GLIS3: variants seen among roughly 807,000 people sequenced by gnomAD.
GLIS3 encodes zinc finger protein GLIS3.
In GLIS3, 53 loss-of-function variants were observed where a neutral mutation model predicts 78.6. The ratio of observed to expected loss-of-function variants is 0.67; its 90% CI spans 0.54 to 0.85. The LOEUF is 0.85. GLIS3 is among the 40% of genes least tolerant of loss of function. GLIS3 has a pLI of 0.00. For missense variants in GLIS3, 1,703 were observed against 1,231.1 expected, an observed-to-expected ratio of 1.38 and a Z score of -5.74; for synonymous variants, 684 against 509.9, an observed-to-expected ratio of 1.34 and a Z score of -4.60.
intron 4 of GLIS3, among the ~76,000 whole-genome samples, chr9:4,055,960 G>T (rs1403599439): frequency 2.0e-5 from 3 of 152,200 alleles, no homozygotes; most frequent in Non-Finnish European, 4.4e-5. Flanking sequence ...GGAGGCAAAG[G>T]AAACTCTCTT....
chr9:4,109,720 T>C (rs1303602635), intron 4 of GLIS3, among the ~76,000 whole-genome samples: 1 of 152,202 alleles, frequency 6.6e-6, no homozygotes, highest in African/African-American at 2.4e-5. Flanking sequence ...TATTTGGTAG[T>C]GTAAGTCCTT....
chr9:4,114,022 A>G (rs879695372), intron 4 of GLIS3, among the ~76,000 whole-genome samples: 41 of 61,390 alleles, frequency 6.7e-4, no homozygotes, highest in Middle Eastern at 0.015. Context: ...GCGGAGGCCC[A>G]CGTTCCCCCA....
chr9:3,995,139 T>C (rs1820643967), intron 4 of GLIS3, among the ~76,000 whole-genome samples: 1 of 151,586 alleles, frequency 6.6e-6, no homozygotes, highest in African/African-American at 2.4e-5. Flanking sequence ...AAACCTGACC[T>C]ACAGAGTGAG....
intron 4 of GLIS3, among the ~76,000 whole-genome samples, chr9:4,045,937 C>T (rs1300154168): frequency 6.6e-6 from 1 of 152,020 alleles, no homozygotes; most frequent in Non-Finnish European, 1.5e-5. Flanking sequence ...AGGTCGGTCA[C>T]CTTGGGAGAT....
At chr9:4,273,314 A>C (rs1457674963) in intron 2 of GLIS3, among the ~76,000 whole-genome samples, 1 of 152,174 alleles carries the variant, frequency 6.6e-6, no homozygotes, top group East Asian at 1.9e-4. Flanking sequence ...GCACTTCTGC[A>C]CCAAGCACGG....
intron 8 of GLIS3, among the ~76,000 whole-genome samples, chr9:3,858,365 C>G (rs1472185642): frequency 1.3e-5 from 2 of 152,002 alleles, no homozygotes; most frequent in East Asian, 3.9e-4. Flanking sequence ...CATGGAAGTT[C>G]CAAACCAGGG....
At chr9:4,316,230 T>C (rs1389434075) in intron 2 of GLIS3, among the ~76,000 whole-genome samples, 2 of 152,206 alleles carry the variant, frequency 1.3e-5, no homozygotes, top group African/African-American at 4.8e-5. Flanking sequence ...TAAAGAATAA[T>C]CATTAAACTC....
chr9:4,084,387 A>T (rs1274240460), intron 4 of GLIS3, among the ~76,000 whole-genome samples: 1 of 152,070 alleles, frequency 6.6e-6, no homozygotes, highest in East Asian at 1.9e-4. Flanking sequence ...GTAGAAATGC[A>T]TGCGCAAGGA....
chr9:3,857,743 T>C (rs901266082), intron 8 of GLIS3, among the ~76,000 whole-genome samples: 3 of 152,186 alleles, frequency 2.0e-5, no homozygotes, highest in African/African-American at 7.2e-5. Context: ...CATATCATCT[T>C]AACTGGTATT....
At chr9:3,964,406 G>A (rs1817778119) in intron 4 of GLIS3, among the ~76,000 whole-genome samples, 2 of 152,014 alleles carry the variant, frequency 1.3e-5, no homozygotes, top group Admixed American at 1.3e-4. Context: ...TTAACAAAAG[G>A]TCAAGACGTT....
intron 2 of GLIS3, among the ~76,000 whole-genome samples, chr9:4,146,722 C>T (rs10481590): frequency 0.031 from 4,676 of 152,266 alleles, 254 homozygotes; most frequent in African/African-American, 0.11. Context: ...TCATCTCAAA[C>T]GCCTATTCTC....
rs1240584475 is a variant in GLIS3, at chr9:4,270,921, GTGTGTGTGTGTGTA to G, written c.388+15103_388+15116del. 3.5e-3 allele frequency among the ~76,000 whole-genome samples: 271 copies of G among 76,528 alleles called. 2 individuals are homozygous for G. The highest frequency in any genetic ancestry group is 5.9e-3 in the African/African-American group (117 of 19,758). The allele number at this position is 76,528 out of a possible 152,430, so 50.2% of individuals were successfully genotyped here. ...TGTGTGTGTGTGTGTGTGTGTGTGT[GTGTGTGTGTGTGTA>G]TACACAACTGACCCTTGAACAACAC... On this transcript the variant is annotated intron_variant, in intron 2 of 10. Coordinates refer to ENST00000381971, the MANE Select transcript of GLIS3 (RefSeq NM_001042413.2).
intron 2 of GLIS3, among the ~76,000 whole-genome samples, chr9:4,324,684 G>C (rs1490291224): frequency 1.3e-5 from 2 of 152,164 alleles, no homozygotes; most frequent in Non-Finnish European, 2.9e-5. Flanking sequence ...AAATCACTAA[G>C]AAAAATGCAA....
chr9:4,078,505 G>A (rs1401723242), intron 4 of GLIS3, among the ~76,000 whole-genome samples: 1 of 152,188 alleles, frequency 6.6e-6, no homozygotes, highest in African/African-American at 2.4e-5. Context: ...ATGTGGCCCA[G>A]TAACAGCTCA....
At chr9:3,946,529 A>G (rs565399122) in intron 4 of GLIS3, among the ~76,000 whole-genome samples, 1 of 152,354 alleles carries the variant, frequency 6.6e-6, no homozygotes, top group South Asian at 2.1e-4. Flanking sequence ...TTCATGTCCT[A>G]TAGAACTACT....
intron 4 of GLIS3, chr9:4,054,144 G>A (rs1588552064): frequency 6.3e-6 from 1 of 158,350 alleles, no homozygotes; most frequent in Non-Finnish European, 1.4e-5. Context: ...ATAGCTTGGA[G>A]AGGTTAACCA....
rs552046603 is a variant in GLIS3, at chr9:3,996,045, A to G, written c.1711-58856T>C. On this transcript the variant is annotated intron_variant, in intron 4 of 10. Transcript: ENST00000381971. The stretch of plus-strand genomic sequence containing the variant: ...AGGGTGACCTTAAATGCAGCCTAAA[A>G]GAAAAGTCAGATTACTTAAAAAAAT... 7.2e-5 allele frequency among the ~76,000 whole-genome samples: 11 copies of G among 152,274 alleles called. No homozygotes were observed. In the East Asian group the frequency reaches 2.1e-3, roughly 29 times the overall value.
chr9:3,856,536 T>C (rs575580199), intron 8 of GLIS3, among the ~76,000 whole-genome samples: 10 of 152,352 alleles, frequency 6.6e-5, no homozygotes, highest in African/African-American at 2.4e-4. Context: ...TTTTAAAATC[T>C]ATTTGCATTT....
intron 2 of GLIS3, among the ~76,000 whole-genome samples, chr9:4,340,496 C>T (rs994402934): frequency 5.3e-5 from 8 of 152,106 alleles, no homozygotes; most frequent in African/African-American, 1.9e-4. Flanking sequence ...ATGCATCCTC[C>T]ATCCCTGTTC....
Sources: allele counts gnomAD v4.1 joint callset (sites outside exome capture counted in the v4.1 genomes callset), GRCh38; gene constraint gnomAD v4.1.1; transcripts MANE v1.5; gene names NCBI Gene and HGNC (gene_info 2026-07-23, HGNC 2026-07-21).